The following PGR variants were observed in gnomAD, a reference collection of about 807,000 sequenced individuals.
PGR encodes nuclear receptor subfamily 3 group C member 3.
A neutral mutation model predicts 76.1 loss-of-function variants in PGR; 25 were observed. That is an observed-to-expected ratio of 0.33 (90% CI 0.24 to 0.46). The LOEUF (loss-of-function observed/expected upper bound fraction) is 0.46. PGR is among the 20% of genes least tolerant of loss of function. PGR has a pLI of 1.00. For missense variants in PGR, 1,172 were observed against 1,225.3 expected, an observed-to-expected ratio of 0.96 and a Z score of 0.65; for synonymous variants, 579 against 535.0, an observed-to-expected ratio of 1.08 and a Z score of -1.14.
chr11:101,077,572 G>A (rs921846636), intron 3 of PGR, among the ~76,000 whole-genome samples: 1 of 152,200 alleles, frequency 6.6e-6, no homozygotes, highest in South Asian at 2.1e-4. Context: ...ACTTTTTACT[G>A]AGTCTAGAAA....
chr11:101,070,943 G>A (rs928821184), intron 3 of PGR, among the ~76,000 whole-genome samples: 22 of 152,178 alleles, frequency 1.4e-4, no homozygotes, highest in Admixed American at 1.3e-3. Context: ...AGAGACCAGC[G>A]GATCTCCCAG....
intron 3 of PGR, among the ~76,000 whole-genome samples, chr11:101,082,727 T>G (rs1428137099): frequency 6.6e-6 from 1 of 152,214 alleles, no homozygotes; most frequent in East Asian, 1.9e-4. Flanking sequence ...CAGATGTATG[T>G]GACCTGGCTG....
At position 101,041,979 on chromosome 11, in the gene PGR, T is replaced by C; in HGVS notation, c.2612A>G (p.Tyr871Cys). The C allele has an allele frequency of 6.2e-7, 1 of 1,613,562 alleles. No homozygotes were observed. Among genetic ancestry groups the C allele is most frequent in the Non-Finnish European group, 8.5e-7 (1 of 1,179,646 alleles). Residue 871 changes from tyrosine (Y) to cysteine (C), a missense_variant, in exon 7 of 8, where the codon TAT becomes TGT. This residue lies in a region of PGR where 166 missense variants were observed against 296.0 expected (regional missense o/e 0.56). Transcript: ENST00000325455. Reference sequence around the variant, plus strand: ...GTTATCAAGAAGTTTTGTAAGTTGATAGAAACGCTGTGAGCTCGACACAAC... The same window carrying C: ...GTTATCAAGAAGTTTTGTAAGTTGACAGAAACGCTGTGAGCTCGACACAAC... ...KGVVSSSQRF[Y>C]QLTKLLDNLH...
chr11:101,040,358 C>CT (rs1217913765), intron 7 of PGR, among the ~76,000 whole-genome samples: 1 of 152,004 alleles, frequency 6.6e-6, no homozygotes, highest in African/African-American at 2.4e-5. Context: ...TGGGACATCA[C>CT]TTTGCATCTC....
chr11:101,047,814 C>T (rs1310896801), intron 6 of PGR, among the ~76,000 whole-genome samples: 1 of 152,092 alleles, frequency 6.6e-6, no homozygotes, highest in Non-Finnish European at 1.5e-5. Flanking sequence ...ACTTTGCCCA[C>T]CCAGACCCTT....
chr11:101,030,561 C>G lies in PGR; in HGVS notation c.*8555G>C, dbSNP rs1859316877. 4 of 225,284 alleles carry G rather than the reference C, an allele frequency of 1.8e-5. No individual in the cohort carries two copies. The South Asian group carries it at 7.3e-4, about 41-fold the overall frequency. The allele number at this position is 225,284 out of a possible 1,614,324, so 14.0% of individuals were successfully genotyped here. A position where few individuals can be genotyped will look rare whatever the true frequency, so the allele number is the denominator to read the frequency against. On this transcript the variant is annotated 3_prime_UTR_variant, in exon 8 of 8. Coordinates refer to ENST00000325455, the MANE Select transcript of PGR (RefSeq NM_000926.4). ...TGAAATAATTAATCTTTGTGTTTTT[C>G]TCTTTGGCACTGGACCTTTCTCCTG...
intron 2 of PGR, among the ~76,000 whole-genome samples, chr11:101,125,064 T>A (rs1862795978): frequency 1.3e-5 from 2 of 152,014 alleles, no homozygotes; most frequent in Non-Finnish European, 2.9e-5. Flanking sequence ...AAAGCCAACA[T>A]TCAGATCCTT....
chr11:101,109,179 A>G (rs1862268315), intron 2 of PGR, among the ~76,000 whole-genome samples: 1 of 152,196 alleles, frequency 6.6e-6, no homozygotes, highest in African/African-American at 2.4e-5. Context: ...CAATATTGAA[A>G]TCAGGCCAAT....
intron 3 of PGR, among the ~76,000 whole-genome samples, chr11:101,090,698 C>T (rs1221849403): frequency 2.6e-5 from 4 of 152,200 alleles, no homozygotes; most frequent in Non-Finnish European, 5.9e-5. Flanking sequence ...TACTGTCAAC[C>T]TAATCACTGC....
intron 1 of PGR, chr11:101,127,023 CCTT>C (rs1460811127): frequency 6.5e-6 from 1 of 153,772 alleles, no homozygotes; most frequent in Non-Finnish European, 1.4e-5. Context: ...TGGTAAACGT[CCTT>C]CTTCTAAGAA....
chr11:101,125,594 T>C (rs974295462), intron 2 of PGR, among the ~76,000 whole-genome samples: 1 of 152,222 alleles, frequency 6.6e-6, no homozygotes, highest in African/African-American at 2.4e-5. Flanking sequence ...CAAATATGTA[T>C]ACGCATACAT....
In PGR at chr11:101,031,162, G is replaced by A. The variant is rs1425161045; in HGVS notation, c.*7954C>T. The A allele has an allele frequency of 4.7e-6, 1 of 212,290 alleles. No homozygotes were observed. The highest frequency in any genetic ancestry group is 2.3e-5 in the African/African-American group (1 of 44,230). The allele number at this position is 212,290 out of a possible 1,614,324, so 13.2% of individuals were successfully genotyped here. A position where few individuals can be genotyped will look rare whatever the true frequency, so the allele number is the denominator to read the frequency against. On this transcript the variant is annotated 3_prime_UTR_variant, in exon 8 of 8. Coordinates refer to ENST00000325455, the MANE Select transcript of PGR (RefSeq NM_000926.4). Reference sequence around the variant, plus strand: ...GCTGGGCCTATGAGGAATGTGCTAAGCCAGCAAGAAATGGAAGTTAGCAAA... The same window carrying A: ...GCTGGGCCTATGAGGAATGTGCTAAACCAGCAAGAAATGGAAGTTAGCAAA...
intron 3 of PGR, among the ~76,000 whole-genome samples, chr11:101,075,850 A>T (rs967991879): frequency 2.0e-5 from 3 of 152,174 alleles, no homozygotes; most frequent in Non-Finnish European, 4.4e-5. Flanking sequence ...AGAAATAGGA[A>T]AGCTTTTACG....
chr11:101,105,143 T>C (rs565952668), intron 2 of PGR, among the ~76,000 whole-genome samples: 1 of 152,248 alleles, frequency 6.6e-6, no homozygotes, highest in South Asian at 2.1e-4. Flanking sequence ...ACAATCAGAG[T>C]GCAGCAGAGT....
chr11:101,070,446 A>G (rs1003122838), intron 3 of PGR, among the ~76,000 whole-genome samples: 1 of 152,100 alleles, frequency 6.6e-6, no homozygotes, highest in Non-Finnish European at 1.5e-5. Context: ...TTCATACCCC[A>G]GTGGCACCTG....
At chr11:101,041,518 C>A in intron 7 of PGR, 1 of 162,810 alleles carries the variant, frequency 6.1e-6, no homozygotes, top group Non-Finnish European at 1.3e-5. Context: ...GAAAAGCATG[C>A]AAATTTTAAC....
intron 2 of PGR, among the ~76,000 whole-genome samples, chr11:101,115,924 A>T (rs1862492204): frequency 6.6e-6 from 1 of 152,202 alleles, no homozygotes; most frequent in Non-Finnish European, 1.5e-5. Flanking sequence ...TATTGGGCCA[A>T]TTGTGTTTCA....
At chr11:101,086,918 G>T (rs1861519378) in intron 3 of PGR, among the ~76,000 whole-genome samples, 1 of 151,868 alleles carries the variant, frequency 6.6e-6, no homozygotes, top group African/African-American at 2.4e-5. Flanking sequence ...ACATAACATT[G>T]CTAAAAGAAA....
chr11:101,039,211 C>T lies in PGR; in HGVS notation c.2707G>A (p.Val903Ile). ...NTFIQSRALS[V>I]EFPEMMSEVI... ...TCAGACATCATTTCTGGAAATTCAA[C>T]ACTCAGTGCCCGGGACTGGATAAAT... Residue 903 changes from valine to isoleucine, a missense_variant, in exon 8 of 8, where the codon GTT (valine) becomes ATT (isoleucine). Physicochemically the swap from Val to Ile is conservative, Grantham distance 29 (BLOSUM62 3). Coordinates refer to ENST00000325455, the MANE Select transcript of PGR (RefSeq NM_000926.4). 1 of 1,611,476 alleles carries T rather than the reference C, an allele frequency of 6.2e-7. No individual in the cohort carries two copies. The highest frequency in any genetic ancestry group is 8.5e-7 in the Non-Finnish European group (1 of 1,177,954).
Sources: allele counts gnomAD v4.1 joint callset (sites outside exome capture counted in the v4.1 genomes callset), GRCh38; gene constraint gnomAD v4.1.1; regional missense constraint gnomAD v4.1.1; transcripts MANE v1.5; gene names NCBI Gene and HGNC (gene_info 2026-07-23, HGNC 2026-07-21).